The following MCU variants were observed in gnomAD, a reference collection of about 807,000 sequenced individuals.
MCU encodes the protein calcium uniporter protein, mitochondrial.
MCU carries 12 observed loss-of-function variants against 45.2 expected under a neutral mutation model. The observed-to-expected ratio is 0.27, with a 90% CI of 0.17 to 0.43. The LOEUF (loss-of-function observed/expected upper bound fraction) is 0.43, where lower values mean the gene tolerates loss of function less well. Among genes scored for constraint, MCU ranks in the 20% least tolerant of loss-of-function variants. The pLI, the probability that MCU is intolerant of heterozygous loss-of-function variation, is 1.00. For synonymous variants in MCU, 160 were observed against 165.1 expected (o/e 0.97, Z 0.24); for missense variants, 324 against 436.7 (o/e 0.74, Z 2.30).
At chr10:72,758,997 C>T (rs1196057294) in intron 1 of MCU, among the ~76,000 whole-genome samples, 1 of 152,072 alleles carries the variant, frequency 6.6e-6, no homozygotes, top group East Asian at 1.9e-4. Context: ...AGCTCTGTAC[C>T]TGTTTAGTTG....
Position 72,792,578 on chromosome 10 carries a change from C to T in MCU, c.151-41781C>T, listed in dbSNP as rs183254968. ...GGAATCCTAGGTCATGAAAAACTCC[C>T]GGTTTTTGAAAAACTCAGGGACATC... On this transcript the variant is annotated intron_variant, in intron 1 of 7. Coordinates refer to ENST00000373053, the MANE Select transcript of MCU (RefSeq NM_138357.3). Among the ~76,000 whole-genome samples, 1,071 of 152,192 alleles carry T rather than the reference C, an allele frequency of 7.0e-3. 5 individuals carry two copies. The highest frequency in any genetic ancestry group is 0.011 in the Non-Finnish European group (745 of 67,998).
chr10:72,740,678 C>T (rs778539281), intron 1 of MCU, among the ~76,000 whole-genome samples: 3 of 152,182 alleles, frequency 2.0e-5, no homozygotes, highest in African/African-American at 2.4e-5. Flanking sequence ...CCAGTGAGGT[C>T]GTAAGAGCTA....
At chr10:72,716,242 T>C (rs1296963518) in intron 1 of MCU, among the ~76,000 whole-genome samples, 1 of 152,234 alleles carries the variant, frequency 6.6e-6, no homozygotes, top group African/African-American at 2.4e-5. Context: ...CAACTCCTAC[T>C]ATAGGCAAAC....
At chr10:72,767,232 TA>T (rs1045265798) in intron 1 of MCU, among the ~76,000 whole-genome samples, 1 of 152,168 alleles carries the variant, frequency 6.6e-6, no homozygotes, top group Non-Finnish European at 1.5e-5. Context: ...GTTTCCAAAT[TA>T]AAATAATTTC....
intron 1 of MCU, among the ~76,000 whole-genome samples, chr10:72,772,113 G>T (rs1843818674): frequency 6.6e-6 from 1 of 152,208 alleles, no homozygotes; most frequent in Non-Finnish European, 1.5e-5. Context: ...CTGAGGACAG[G>T]CAGAGACAAA....
At chr10:72,844,641 C>T (rs1263291650) in intron 2 of MCU, among the ~76,000 whole-genome samples, 9 of 151,838 alleles carry the variant, frequency 5.9e-5, no homozygotes, top group Non-Finnish European at 1.2e-4. Flanking sequence ...TTATTGTCAC[C>T]AAAGTAGATA....
chr10:72,793,096 C>A (rs1403093677), intron 1 of MCU, among the ~76,000 whole-genome samples: 1 of 152,144 alleles, frequency 6.6e-6, no homozygotes, highest in South Asian at 2.1e-4. Flanking sequence ...CCAGTGGTCT[C>A]AAACTCCTGA....
intron 1 of MCU, among the ~76,000 whole-genome samples, chr10:72,759,283 G>T (rs920754988): frequency 3.3e-5 from 5 of 152,104 alleles, no homozygotes; most frequent in Admixed American, 1.3e-4. Context: ...CAAGCAGGGG[G>T]TACATGACTG....
chr10:72,831,518 T>A (rs550274933), intron 1 of MCU, among the ~76,000 whole-genome samples: 49 of 152,322 alleles, frequency 3.2e-4, no homozygotes, highest in Non-Finnish European at 5.4e-4. Flanking sequence ...TTTTGTTTTG[T>A]TTTTTGCCTA....
At chr10:72,720,656 G>T (rs150148516) in intron 1 of MCU, among the ~76,000 whole-genome samples, 42 of 152,054 alleles carry the variant, frequency 2.8e-4, no homozygotes, top group African/African-American at 9.2e-4. Flanking sequence ...TACTTCCATT[G>T]TGTTGAATCT....
chr10:72,716,377 G>A (rs1842955179), intron 1 of MCU, among the ~76,000 whole-genome samples: 1 of 152,214 alleles, frequency 6.6e-6, no homozygotes, highest in South Asian at 2.1e-4. Flanking sequence ...GTAAATATTT[G>A]CAATATGCAT....
intron 2 of MCU, among the ~76,000 whole-genome samples, chr10:72,837,273 A>G (rs1372335888): frequency 6.6e-6 from 1 of 152,102 alleles, no homozygotes; most frequent in East Asian, 1.9e-4. Context: ...GAATTTATAT[A>G]AACATAGGAA....
intron 4 of MCU, among the ~76,000 whole-genome samples, chr10:72,865,787 G>GT (rs904034461): frequency 1.0e-4 from 11 of 109,094 alleles, no homozygotes; most frequent in South Asian, 3.0e-4. Context: ...TTTTTTTTTT[G>GT]TTTTTTTGAG....
chr10:72,784,774 G>A (rs1844047406), intron 1 of MCU, among the ~76,000 whole-genome samples: 1 of 152,204 alleles, frequency 6.6e-6, no homozygotes, highest in Non-Finnish European at 1.5e-5. Flanking sequence ...GCTGAAGTAA[G>A]TTGCAGAGCA....
chr10:72,706,364 A>G (rs1249849527), intron 1 of MCU, among the ~76,000 whole-genome samples: 2 of 152,170 alleles, frequency 1.3e-5, no homozygotes, highest in Non-Finnish European at 1.5e-5. Context: ...AGGTATAACA[A>G]TATATAACTG....
chr10:72,708,513 A>G (rs112852729), intron 1 of MCU, among the ~76,000 whole-genome samples: 3 of 152,350 alleles, frequency 2.0e-5, no homozygotes, highest in African/African-American at 7.2e-5. Flanking sequence ...AGGAGTCAAT[A>G]GGCATAGTGG....
intron 1 of MCU, among the ~76,000 whole-genome samples, chr10:72,699,752 C>T (rs1202817888): frequency 6.6e-6 from 1 of 151,820 alleles, no homozygotes; most frequent in East Asian, 1.9e-4. Context: ...CCACCGCCCC[C>T]TGCCGATTTT....
chr10:72,695,575 G>T (rs1456771977), intron 1 of MCU, among the ~76,000 whole-genome samples: 1 of 152,064 alleles, frequency 6.6e-6, no homozygotes, highest in Non-Finnish European at 1.5e-5. Flanking sequence ...TTCATTTCAG[G>T]TTACAGACTG....
chr10:72,696,980 A>C (rs983696924), intron 1 of MCU, among the ~76,000 whole-genome samples: 12 of 152,284 alleles, frequency 7.9e-5, no homozygotes, highest in Middle Eastern at 3.4e-3. Context: ...GCTTTCTGAC[A>C]ATAGCCAGCA....
Sources: gnomAD v4.1 joint callset for allele counts (sites outside exome capture counted in the v4.1 genomes callset) on GRCh38, gnomAD v4.1.1 for gene constraint, MANE v1.5 for transcripts, NCBI Gene and HGNC (gene_info 2026-07-23, HGNC 2026-07-21) for gene names.